The following UACA variants were observed in gnomAD, a reference collection of about 807,000 sequenced individuals.
The protein encoded by UACA is uveal autoantigen with coiled-coil domains and ankyrin repeats, also known as nuclear membrane binding protein.
In UACA, 112 loss-of-function variants were observed where a neutral mutation model predicts 160.5. The ratio of observed to expected loss-of-function variants is 0.70; its 90% CI spans 0.60 to 0.82. The LOEUF (loss-of-function observed/expected upper bound fraction) is 0.82. Ranked by LOEUF, UACA falls within the 40% of genes least tolerant of loss-of-function variation. UACA has a pLI of 0.00. For missense variants in UACA, 1,574 were observed against 1,614.6 expected (o/e 0.97, Z 0.43); for synonymous variants, 557 against 568.4 (o/e 0.98, Z 0.29).
chr15:70,713,160 C>T (rs1898733045), intron 1 of UACA, among the ~76,000 whole-genome samples: 1 of 152,046 alleles, frequency 6.6e-6, no homozygotes, highest in Admixed American at 6.6e-5. Context: ...CTGGCTAACA[C>T]AGTGATGTAT....
chr15:70,664,591 A>C, intron 17 of UACA, 71 bp downstream of exon 17: 1 of 1,505,232 alleles, frequency 6.6e-7, no homozygotes, highest in African/African-American at 1.4e-5. Context: ...TAATTTCTAA[A>C]TGAGCCTTAC....
intron 1 of UACA, among the ~76,000 whole-genome samples, chr15:70,700,376 T>C (rs1208900162): frequency 6.8e-6 from 1 of 147,998 alleles, no homozygotes; most frequent in Non-Finnish European, 1.5e-5. Context: ...TGTTTATATA[T>C]TAGAATAAAA....
chr15:70,675,202 A>C (rs1201012543), intron 13 of UACA, among the ~76,000 whole-genome samples: 2 of 152,184 alleles, frequency 1.3e-5, no homozygotes, highest in African/African-American at 2.4e-5. Flanking sequence ...CATAGAGTTG[A>C]TTTCTTTTTT....
At chr15:70,752,715 A>C (rs1298739825) in intron 1 of UACA, among the ~76,000 whole-genome samples, 1 of 152,226 alleles carries the variant, frequency 6.6e-6, no homozygotes, top group Non-Finnish European at 1.5e-5. Context: ...AAACCTTGAC[A>C]ATATATAAAT....
chr15:70,663,762 C>T (rs894414721), intron 17 of UACA, among the ~76,000 whole-genome samples: 1 of 151,018 alleles, frequency 6.6e-6, no homozygotes, highest in East Asian at 2.0e-4. Flanking sequence ...AGCAAACTAT[C>T]GCAACGACAA....
Position 70,669,192 on chromosome 15 carries a change from C to A in UACA, c.1492G>T (p.Ala498Ser). The change falls in exon 16 of 19, where the codon GCA becomes TCA. Residue 498 changes from alanine to serine, a missense_variant. Ala to Ser is a moderately conservative substitution (Grantham distance 99). Transcript: ENST00000322954. ...SDEQIKQLED[A>S]LKDVQKRMYE... ...ATCCTCTTCTGCACATCTTTTAATG[C>A]ATCTTCTAATTGCTTTATCTGTTCA... 1.9e-6 allele frequency: 3 copies of A among 1,613,996 alleles called. No homozygotes were observed. The highest frequency in any genetic ancestry group is 2.5e-6 in the Non-Finnish European group (3 of 1,179,992).
intron 1 of UACA, among the ~76,000 whole-genome samples, chr15:70,762,581 AC>A (rs1273159459): frequency 6.6e-6 from 1 of 152,196 alleles, no homozygotes; most frequent in Non-Finnish European, 1.5e-5. Flanking sequence ...TGGCGCGCAC[AC>A]TGAGGCCGCG....
chr15:70,718,349 T>TGG (rs1898889967), intron 1 of UACA, among the ~76,000 whole-genome samples: 1 of 147,458 alleles, frequency 6.8e-6, no homozygotes, highest in Admixed American at 6.8e-5. Context: ...TGTGTGTGTG[T>TGG]GTGTGTGTGT....
intron 1 of UACA, among the ~76,000 whole-genome samples, chr15:70,735,214 G>C (rs1276072343): frequency 2.1e-5 from 3 of 145,966 alleles, no homozygotes; most frequent in Non-Finnish European, 4.5e-5. Context: ...GAGGGATGGG[G>C]GGAAGGGCTG....
At chr15:70,696,540 T>C (rs141606339) in intron 2 of UACA, among the ~76,000 whole-genome samples, 2 of 152,326 alleles carry the variant, frequency 1.3e-5, no homozygotes, top group East Asian at 1.9e-4. Flanking sequence ...ATGCAAACTA[T>C]AGACAAAGCA....
chr15:70,716,972 A>G (rs915823667), intron 1 of UACA, among the ~76,000 whole-genome samples: 1 of 152,178 alleles, frequency 6.6e-6, no homozygotes, highest in African/African-American at 2.4e-5. Context: ...TTGTAATCCT[A>G]GCATTCTGGG....
chr15:70,684,556 A>G, intron 7 of UACA, 110 bp from the exon 8 acceptor site: 1 of 1,092,246 alleles, frequency 9.2e-7, no homozygotes, highest in Non-Finnish European at 1.3e-6. Context: ...GATAAACTAG[A>G]TTATATATGC....
At chr15:70,742,728 T>C (rs1899576313) in intron 1 of UACA, among the ~76,000 whole-genome samples, 1 of 152,260 alleles carries the variant, frequency 6.6e-6, no homozygotes, top group Non-Finnish European at 1.5e-5. Flanking sequence ...ATATGACTAT[T>C]ATCAGGTTGT....
At chr15:70,663,767 C>T (rs1042752819) in intron 17 of UACA, among the ~76,000 whole-genome samples, 10 of 149,694 alleles carry the variant, frequency 6.7e-5, no homozygotes, top group South Asian at 2.1e-4. Context: ...ACTATCGCAA[C>T]GACAAAAAAC....
upstream of UACA, among the ~76,000 whole-genome samples, chr15:70,767,535 C>T (rs1031555457): frequency 2.0e-5 from 3 of 151,618 alleles, no homozygotes; most frequent in African/African-American, 7.3e-5. Context: ...TTGCAGCGAG[C>T]CAGAATAACG....
At chr15:70,739,175 C>A (rs1018941040) in intron 1 of UACA, among the ~76,000 whole-genome samples, 1 of 152,174 alleles carries the variant, frequency 6.6e-6, no homozygotes, top group Non-Finnish European at 1.5e-5. Context: ...AGTGGTTCAT[C>A]TAAGATGGGA....
intron 1 of UACA, among the ~76,000 whole-genome samples, chr15:70,718,324 ATGTGTGTGTGTG>A (rs59313425): frequency 1.2e-3 from 75 of 60,228 alleles, no homozygotes; most frequent in Admixed American, 1.3e-3. Context: ...GAGAGAGAGA[ATGTGTGTGTGTG>A]TGTGTGTGTG....
the UACA span, among the ~76,000 whole-genome samples, chr15:70,776,043 T>C: frequency 6.6e-6 from 1 of 152,184 alleles, no homozygotes; most frequent in Non-Finnish European, 1.5e-5. Flanking sequence ...TAGGGTAGAA[T>C]CAAGTTTTCT....
chr15:70,767,888 A>G (rs16954828), upstream of UACA: 27,513 of 152,158 alleles, frequency 0.18, 3,791 homozygotes, highest in African/African-American at 0.39. Context: ...CTACCCAGAA[A>G]TCATAGGCAG....
Sources: allele counts gnomAD v4.1 joint callset (sites outside exome capture counted in the v4.1 genomes callset), GRCh38; gene constraint gnomAD v4.1.1; transcripts MANE v1.5; gene names NCBI Gene and HGNC (gene_info 2026-07-23, HGNC 2026-07-21).